TNIP1: variants seen among roughly 807,000 people sequenced by gnomAD.
TNIP1 encodes the protein TNFAIP3 interacting protein 1, also known as TNFAIP3-interacting protein 1.
A neutral mutation model predicts 86.6 loss-of-function variants in TNIP1; 22 were observed. The ratio of observed to expected loss-of-function variants is 0.25; its 90% CI spans 0.18 to 0.36. The LOEUF is 0.36. Among genes scored for constraint, TNIP1 ranks in the 10% least tolerant of loss-of-function variants. The pLI, the probability that TNIP1 is intolerant of heterozygous loss-of-function variation, is 1.00. For synonymous variants in TNIP1, 294 were observed against 313.0 expected, an observed-to-expected ratio of 0.94 and a Z score of 0.64; for missense variants, 709 against 820.6, an observed-to-expected ratio of 0.86 and a Z score of 1.66.
chr5:151,046,066 T>A, intron 8 of TNIP1, 116 bp from the exon 9 acceptor site: 1 of 838,744 alleles, frequency 1.2e-6, no homozygotes, highest in Admixed American at 2.1e-5. Context: ...GTCTCCCTAT[T>A]CCTCCCACCC....
At chr5:151,059,824 AGAGAGTGT>A (rs1761225841) in intron 5 of TNIP1, among the ~76,000 whole-genome samples, 3 of 79,394 alleles carry the variant, frequency 3.8e-5, no homozygotes, top group Non-Finnish European at 6.9e-5. Flanking sequence ...AGAGAGAGAG[AGAGAGTGT>A]GTGTGTGTGT....
At chr5:151,083,877 GA>G (rs1449873027), upstream of TNIP1, among the ~76,000 whole-genome samples, 1 of 152,186 alleles carries the variant, frequency 6.6e-6, no homozygotes, top group Non-Finnish European at 1.5e-5. Flanking sequence ...AACATGTATG[GA>G]GTATTTGCTG....
chr5:151,059,789 G>C (rs1438296482), intron 5 of TNIP1, among the ~76,000 whole-genome samples: 7 of 73,700 alleles, frequency 9.5e-5, no homozygotes, highest in African/African-American at 5.4e-4. Flanking sequence ...CAGAGAGAGA[G>C]AGAGAGAGAG....
intron 5 of TNIP1, among the ~76,000 whole-genome samples, chr5:151,059,838 T>TGTGC (rs1761249723): frequency 1.2e-5 from 1 of 86,698 alleles, no homozygotes; most frequent in African/African-American, 6.3e-5. Flanking sequence ...AGTGTGTGTG[T>TGTGC]GTGTGTGTGT....
upstream of TNIP1, among the ~76,000 whole-genome samples, chr5:151,083,077 T>C (rs13168551): frequency 0.55 from 83,678 of 152,084 alleles, 25,020 homozygotes; most frequent in African/African-American, 0.79. Context: ...AAGTTGTCTT[T>C]ACAATGACAT....
chr5:151,046,577 G>A lies in TNIP1; in HGVS notation c.847-627C>T, dbSNP rs72790114. Among the ~76,000 whole-genome samples the A allele has an allele frequency of 2.0e-5, 3 of 152,130 alleles. No individual in the cohort carries two copies. In the South Asian group the frequency reaches 6.2e-4, roughly 32 times the overall value. ...AATACCATTTTCTTTTTATTAAAAA[G>A]AAACAGGGCTGCTTTGAGGGGCTGG... On this transcript the variant is annotated intron_variant, in intron 8 of 17. Transcript: ENST00000521591.
At chr5:151,056,339 A>AC (rs1423679607) in intron 6 of TNIP1, among the ~76,000 whole-genome samples, 1 of 152,166 alleles carries the variant, frequency 6.6e-6, no homozygotes, top group Non-Finnish European at 1.5e-5. Flanking sequence ...TCCAATCCCT[A>AC]CTTCACCATT....
intron 15 of TNIP1, chr5:151,034,480 A>G: frequency 1.1e-5 from 3 of 284,712 alleles, no homozygotes; most frequent in Non-Finnish European, 1.3e-5. Flanking sequence ...GCACATGGGC[A>G]CAGAAGGCTC....
chr5:151,045,973 CT>C, intron 8 of TNIP1, 23 bp from the exon 9 acceptor site: 3 of 1,610,628 alleles, frequency 1.9e-6, no homozygotes, highest in Non-Finnish European at 2.5e-6. Flanking sequence ...ACAGAGGAGC[CT>C]TCACCAAAAC....
At chr5:151,036,992 T>C in intron 12 of TNIP1, 71 bp from the exon 13 acceptor site, 1 of 1,504,990 alleles carries the variant, frequency 6.6e-7, no homozygotes, top group Non-Finnish European at 8.9e-7. Context: ...GGGGTCATCC[T>C]CAGGGAACTC....
chr5:151,068,649 G>C (rs765880989), intron 1 of TNIP1, among the ~76,000 whole-genome samples: 18 of 152,216 alleles, frequency 1.2e-4, no homozygotes, highest in Non-Finnish European at 2.4e-4. Flanking sequence ...AGGCAGTGCA[G>C]CAAGGCAAGG....
chr5:151,077,504 C>T (rs923870350), intron 1 of TNIP1, among the ~76,000 whole-genome samples: 3 of 152,226 alleles, frequency 2.0e-5, no homozygotes, highest in Admixed American at 1.3e-4. Context: ...CACACTATCC[C>T]ATTAATTCCC....
chr5:151,085,119 T>TACCCACAACTTGCCCATTTCCC (rs1240295579), upstream of TNIP1, among the ~76,000 whole-genome samples: 1 of 152,224 alleles, frequency 6.6e-6, no homozygotes, highest in Non-Finnish European at 1.5e-5. Context: ...AACCATTTCA[T>TACCCACAACTTGCCCATTTCCC]ACCCACAACT....
intron 1 of TNIP1, 52 bp from the exon 2 acceptor site, chr5:151,065,183 C>G: frequency 1.3e-6 from 2 of 1,501,494 alleles, no homozygotes; most frequent in Non-Finnish European, 1.8e-6. Context: ...ATGGGGGCAT[C>G]CTTTGCAGAG....
intron 4 of TNIP1, among the ~76,000 whole-genome samples, chr5:151,061,147 A>G (rs1020878453): frequency 1.3e-5 from 2 of 152,168 alleles, no homozygotes; most frequent in African/African-American, 2.4e-5. Context: ...CAAGAAGCCA[A>G]TGGCCCACCT....
At chr5:151,063,502 T>G in intron 3 of TNIP1, 111 bp downstream of exon 3, 1 of 1,482,420 alleles carries the variant, frequency 6.7e-7, no homozygotes. Flanking sequence ...GCCTGTGACC[T>G]AAGGATAAAC....
chr5:151,046,797 A>G (rs1480317789), intron 8 of TNIP1, among the ~76,000 whole-genome samples: 1 of 152,268 alleles, frequency 6.6e-6, no homozygotes, highest in East Asian at 1.9e-4. Context: ...GTATTGGATT[A>G]TAAGTCACAG....
chr5:151,044,735 A>T (rs1171932951), intron 9 of TNIP1, among the ~76,000 whole-genome samples: 1 of 152,060 alleles, frequency 6.6e-6, no homozygotes, highest in Non-Finnish European at 1.5e-5. Flanking sequence ...CTGCACTTCG[A>T]CCTCGGGTCT....
intron 7 of TNIP1, among the ~76,000 whole-genome samples, chr5:151,051,196 C>T (rs1759883778): frequency 6.6e-6 from 1 of 152,158 alleles, no homozygotes; most frequent in African/African-American, 2.4e-5. Context: ...AAATTACACA[C>T]TGATTCAAAA....
Sources: allele counts gnomAD v4.1 joint callset (sites outside exome capture counted in the v4.1 genomes callset), GRCh38; gene constraint gnomAD v4.1.1; transcripts MANE v1.5; gene names NCBI Gene and HGNC (gene_info 2026-07-23, HGNC 2026-07-21).